The following LARP7 variants were observed in gnomAD, a reference collection of about 807,000 sequenced individuals.
LARP7 encodes the protein la-related protein 7.
LARP7 carries 52 observed loss-of-function variants against 69.3 expected under a neutral mutation model. The observed-to-expected ratio is 0.75, with a 90% CI of 0.60 to 0.95. LARP7 has a LOEUF of 0.95. Ranked by LOEUF, LARP7 falls within the 40% of genes least tolerant of loss-of-function variation. The probability of loss-of-function intolerance (pLI) is 0.00; values close to 1 mark genes in which losing one functional copy is unlikely to be tolerated. For missense variants in LARP7, 733 were observed against 673.0 expected (o/e 1.09, Z -0.99); for synonymous variants, 254 against 215.9 (o/e 1.18, Z -1.55).
At chr4:112,640,008 G>A (rs1381853304) in intron 1 of LARP7, among the ~76,000 whole-genome samples, 4 of 152,038 alleles carry the variant, frequency 2.6e-5, no homozygotes, top group South Asian at 2.1e-4. Flanking sequence ...GTACGATCTC[G>A]AATCACTGCA....
At chr4:112,652,583 T>C (rs1203259955) in intron 10 of LARP7, among the ~76,000 whole-genome samples, 1 of 152,168 alleles carries the variant, frequency 6.6e-6, no homozygotes, top group African/African-American at 2.4e-5. Context: ...AAATCTAGTA[T>C]TTTAGGTTTG....
intron 1 of LARP7, among the ~76,000 whole-genome samples, chr4:112,639,207 A>ATTTT (rs2047851866): frequency 7.0e-6 from 1 of 142,742 alleles, no homozygotes; most frequent in Admixed American, 6.9e-5. Flanking sequence ...GTTAAATGTT[A>ATTTT]CTTTTTTTTT....
Position 112,646,957 on chromosome 4 carries a change from TA to T in LARP7, c.552+4del, listed in dbSNP as rs780029797. On this transcript the variant is annotated splice_donor_region_variant and intron_variant, in intron 5 of 12. Transcript: ENST00000344442. ...GAACAAGCAGCAAAAGCAATTGAGG[TA>T]AGTCCAGATCCTAAAAAAAAAAAAA... The T allele has an allele frequency of 1.3e-6, 2 of 1,591,470 alleles. No homozygotes were observed. Among genetic ancestry groups the T allele is most frequent in the Non-Finnish European group, 1.7e-6 (2 of 1,174,268 alleles).
chr4:112,655,056 C>T (rs1372621587), intron 12 of LARP7, among the ~76,000 whole-genome samples: 1 of 150,248 alleles, frequency 6.7e-6, no homozygotes, highest in African/African-American at 2.4e-5. Context: ...CAACCTTCTT[C>T]TACCATTGCC....
Position 112,653,092 on chromosome 4 carries a change from A to G in LARP7, c.1432A>G (p.Ile478Val). The G allele has an allele frequency of 6.3e-7, 1 of 1,588,790 alleles. No individual in the cohort carries two copies. The highest frequency in any genetic ancestry group is 1.4e-5 in the African/African-American group (1 of 73,256). The change falls in exon 11 of 13, where the codon ATC (isoleucine) becomes GTC (valine). Residue 478 changes from isoleucine (I) to valine (V), a missense_variant. Transcript: ENST00000344442. ...RKQVRDTLAA[I>V]SEVLYVDLLE... ...TCTAATGCAGGATACTTTGGCAGCA[A>G]TCTCAGAAGTTCTTTATGTTGATTT...
At chr4:112,648,167 G>A (rs546014795) in intron 8 of LARP7, 56 of 524,326 alleles carry the variant, frequency 1.1e-4, no homozygotes, top group Non-Finnish European at 2.0e-4. Flanking sequence ...TAATAAAAAT[G>A]TAAAAGGAAG....
At chr4:112,644,331 A>G in intron 1 of LARP7, 1 of 313,258 alleles carries the variant, frequency 3.2e-6, no homozygotes, top group Non-Finnish European at 5.6e-6. Context: ...GTTGCGATGG[A>G]GAGTGTCCAC....
In LARP7 at chr4:112,644,761, T is replaced by C. The variant is rs1449547335; in HGVS notation, c.92T>C (p.Val31Ala). The change falls in exon 2 of 13, where the codon GTT becomes GCT. Residue 31 changes from valine to alanine, a missense_variant. Coordinates refer to ENST00000344442, the MANE Select transcript of LARP7 (RefSeq NM_016648.4). ...GTTGAAAAAAAGAAACGGTCACGAG[T>C]TAAACAGGTGCTTGCAGATATTGCT... ...KEVEKKKRSRVKQVLADIAKQ... is the reference protein window; with the variant it reads ...KEVEKKKRSRAKQVLADIAKQ... 6.2e-7 allele frequency: 1 copy of C among 1,609,372 alleles called. No homozygotes were observed. Among genetic ancestry groups the C allele is most frequent in the Non-Finnish European group, 8.5e-7 (1 of 1,177,022 alleles).
chr4:112,652,965 C>T (rs2048812246), intron 10 of LARP7, 112 bp from the exon 11 acceptor site: 2 of 700,132 alleles, frequency 2.9e-6, no homozygotes, highest in South Asian at 3.3e-5. Context: ...CCTCATTAGA[C>T]TGCAAAATGC....
chr4:112,646,764 T>C (rs1441728721), intron 4 of LARP7, 27 bp from the exon 5 acceptor site: 2 of 1,562,384 alleles, frequency 1.3e-6, no homozygotes, highest in Admixed American at 4.0e-5. Flanking sequence ...TGTGAAAAAC[T>C]CTAATATTGC....
chr4:112,652,305 C>T lies in LARP7; in HGVS notation c.1417-772C>T, dbSNP rs865989218. On this transcript the variant is annotated intron_variant, in intron 10 of 12. Transcript: ENST00000344442. ...GATAAATAAGATTTCCCCCCCCCCC[C>T]CATTTAGCAATCTCCAGTTACTTCT... Among the ~76,000 whole-genome samples, 34 of 140,502 alleles carry T rather than the reference C, an allele frequency of 2.4e-4. 1 individual carries two copies. The highest frequency in any genetic ancestry group is 7.5e-4 in the African/African-American group (28 of 37,478). 92.2% of individuals were successfully genotyped at this position (140,502 alleles called of 152,430 possible).
chr4:112,649,178 C>A (rs932667933), intron 8 of LARP7, among the ~76,000 whole-genome samples: 1 of 152,080 alleles, frequency 6.6e-6, no homozygotes, highest in Admixed American at 6.6e-5. Context: ...AAATTGGAAG[C>A]AGTTTAACAA....
chr4:112,642,323 A>T lies in LARP7; in HGVS notation c.-2-2345A>T, dbSNP rs557460266. Among the ~76,000 whole-genome samples the T allele has an allele frequency of 1.9e-4, 29 of 152,320 alleles. No homozygotes were observed. In the South Asian group the frequency reaches 6.0e-3, roughly 32 times the overall value. ...TAATTCTGACCTATAGTTGTGTTTT[A>T]TGTCTTAAGCTAGCATCACCTAAAT... On this transcript the variant is annotated intron_variant, in intron 1 of 12. Coordinates refer to ENST00000344442, the MANE Select transcript of LARP7 (RefSeq NM_016648.4).
In LARP7 at chr4:112,657,244, T is replaced by C. The variant is rs1301344918; in HGVS notation, c.1669-3T>C. On this transcript the variant is annotated splice_region_variant and splice_polypyrimidine_tract_variant and intron_variant, in intron 12 of 12. Coordinates refer to ENST00000344442, the MANE Select transcript of LARP7 (RefSeq NM_016648.4). ...TTTTAATTTTTGATTTATTTCTCTT[T>C]AGTTAATCACCAAAGCTGAAAAGAT... is the stretch of plus-strand genomic sequence containing the variant. 1.3e-6 allele frequency: 2 copies of C among 1,545,550 alleles called. No individual in the cohort carries two copies. Among genetic ancestry groups the C allele is most frequent in the Non-Finnish European group, 8.8e-7 (1 of 1,130,956 alleles).
intron 1 of LARP7, chr4:112,637,791 A>G (rs1315023712): frequency 6.6e-6 from 1 of 152,266 alleles, no homozygotes; most frequent in African/African-American, 2.4e-5. Context: ...TCAAAGAGTA[A>G]GATGCCATTT....
intron 1 of LARP7, among the ~76,000 whole-genome samples, chr4:112,639,099 A>G (rs1018126019): frequency 4.6e-5 from 7 of 152,208 alleles, no homozygotes; most frequent in African/African-American, 7.2e-5. Flanking sequence ...GTTAAGATGG[A>G]AGAAACTGCT....
chr4:112,641,089 C>CT (rs1160946490), intron 1 of LARP7, among the ~76,000 whole-genome samples: 1 of 152,114 alleles, frequency 6.6e-6, no homozygotes, highest in Non-Finnish European at 1.5e-5. Context: ...GGTTTTTGGA[C>CT]TTTATTTTGA....
intron 10 of LARP7, among the ~76,000 whole-genome samples, chr4:112,651,246 G>A (rs1444678025): frequency 6.6e-6 from 1 of 152,116 alleles, no homozygotes; most frequent in Non-Finnish European, 1.5e-5. Flanking sequence ...TCATCACTTA[G>A]TATGTTGTTT....
chr4:112,650,470 G>A lies in LARP7; in HGVS notation c.1304G>A (p.Arg435Lys), dbSNP rs754477404. ...TGMKNEKTAN[R>K]EECRTQEKVN... ...TTCCTTTTCTAATCAGCAGCCAACAGGGAAGAGTGTCGCACCCAGGAGAAA... is the reference window on the plus strand; with the variant it reads ...TTCCTTTTCTAATCAGCAGCCAACAAGGAAGAGTGTCGCACCCAGGAGAAA... The change falls in exon 10 of 13, where the codon AGG becomes AAG. Residue 435 changes from arginine (R) to lysine (K), a missense_variant. Coordinates refer to ENST00000344442, the MANE Select transcript of LARP7 (RefSeq NM_016648.4). The A allele has an allele frequency of 1.9e-6, 3 of 1,613,630 alleles. No homozygotes were observed. Among genetic ancestry groups the A allele is most frequent in the African/African-American group, 2.7e-5 (2 of 74,892 alleles).
Sources: allele counts gnomAD v4.1 joint callset (sites outside exome capture counted in the v4.1 genomes callset), GRCh38; gene constraint gnomAD v4.1.1; transcripts MANE v1.5; gene names NCBI Gene and HGNC (gene_info 2026-07-23, HGNC 2026-07-21).